ZNF142: variants seen among roughly 807,000 people sequenced by gnomAD.
ZNF142 encodes the protein zinc finger protein 142 (clone pHZ-49).
Under a neutral mutation model 132.1 loss-of-function variants are expected in ZNF142, and 96 were observed. That is an observed-to-expected ratio of 0.73 (90% CI 0.62 to 0.86). The LOEUF is 0.86. Ranked by LOEUF, ZNF142 falls within the 40% of genes least tolerant of loss-of-function variation. The pLI, the probability that ZNF142 is intolerant of heterozygous loss-of-function variation, is 0.00. For missense variants in ZNF142, 2,163 were observed against 2,336.2 expected, an observed-to-expected ratio of 0.93 and a Z score of 1.53; for synonymous variants, 842 against 890.1, an observed-to-expected ratio of 0.95 and a Z score of 0.96.
chr2:218,634,398 AAG>A lies in ZNF142; in HGVS notation c.*3939_*3940del. On this transcript the variant is annotated 3_prime_UTR_variant, in exon 11 of 11. Transcript: ENST00000411696. The surrounding 1 kb of genome is among the most constrained non-coding windows in gnomAD (Gnocchi z 4.0). The stretch of plus-strand genomic sequence containing the variant: ...AGTACCTATCTTCTTAACTCCCTGA[AAG>A]AGGGGCTGGAAGGCCTCCATGGTGA... 1.3e-6 allele frequency: 2 copies of A among 1,582,924 alleles called. No homozygotes were observed. The highest frequency in any genetic ancestry group is 1.3e-5 in the African/African-American group (1 of 74,156).
chr2:218,633,939 G>A lies in ZNF142; in HGVS notation c.*4400C>T. 1.7e-6 allele frequency: 2 copies of A among 1,205,562 alleles called. No individual in the cohort carries two copies. Among genetic ancestry groups the A allele is most frequent in the South Asian group, 1.5e-5 (1 of 68,930 alleles). 74.7% of individuals were successfully genotyped at this position (1,205,562 alleles called of 1,614,324 possible). On this transcript the variant is annotated 3_prime_UTR_variant, in exon 11 of 11. Coordinates refer to ENST00000411696, the MANE Select transcript of ZNF142 (RefSeq NM_001379659.1). ...TATGAATAGTGGCTCAAGGGTCTAG[G>A]GGCAGGAAAGCTGGTCTGGATGGAC...
In ZNF142 at chr2:218,637,044, G is replaced by A; in HGVS notation, c.*1295C>T. The A allele has an allele frequency of 5.0e-6, 2 of 399,368 alleles. No individual in the cohort carries two copies. Among genetic ancestry groups the A allele is most frequent in the South Asian group, 3.8e-5 (2 of 52,612 alleles). The allele number at this position is 399,368 out of a possible 1,614,324, so 24.7% of individuals were successfully genotyped here. A position where few individuals can be genotyped will look rare whatever the true frequency, so the allele number is the denominator to read the frequency against. ...TAAATCAAGGCTCAAGGCTTCCCCA[G>A]CAAAGATTAGGGAAAGAGACTTGAC... On this transcript the variant is annotated 3_prime_UTR_variant, in exon 11 of 11. Transcript: ENST00000411696.
chr2:218,653,967 C>T (rs1938250361), intron 4 of ZNF142, among the ~76,000 whole-genome samples: 1 of 152,190 alleles, frequency 6.6e-6, no homozygotes, highest in African/African-American at 2.4e-5. Context: ...ATTCTCCCAC[C>T]TCAGCCTCCT....
chr2:218,646,290 T>C lies in ZNF142; in HGVS notation c.1932A>G (p.Leu644=), dbSNP rs1697725473. Reference sequence around the variant, plus strand: ...TGGAGTGGGTCAGCATGTGCTTGGATAGGTAGCTCACGTCTCGGCATGTGA... The same window carrying C: ...TGGAGTGGGTCAGCATGTGCTTGGACAGGTAGCTCACGTCTCGGCATGTGA... ...CDFTCRDVSY[L]SKHMLTHSNT... is the part of the protein sequence containing the mutation. Residue 644 remains leucine, a synonymous_variant, in exon 8 of 11, where the codon CTA becomes CTG. Transcript: ENST00000411696. The C allele has an allele frequency of 2.5e-6, 4 of 1,614,206 alleles. No homozygotes were observed. The highest frequency in any genetic ancestry group is 3.4e-6 in the Non-Finnish European group (4 of 1,180,044).
In ZNF142 at chr2:218,637,114, C is replaced by CAA. The variant is rs1696810579; in HGVS notation, c.*1223_*1224dup. The CAA allele has an allele frequency of 3.0e-6, 1 of 334,284 alleles. No homozygotes were observed. The highest frequency in any genetic ancestry group is 4.0e-5 in the Admixed American group (1 of 25,092). 20.7% of individuals were successfully genotyped at this position (334,284 alleles called of 1,614,324 possible). A position where few individuals can be genotyped will look rare whatever the true frequency, so the allele number is the denominator to read the frequency against. On this transcript the variant is annotated 3_prime_UTR_variant, in exon 11 of 11. Transcript: ENST00000411696. ...TCTTAAGAGAACACTGCACAGCACT[C>CAA]AAAGTCCCCCACTGGACTGCTTCCT...
At chr2:218,654,510 G>C (rs1371899441) in intron 4 of ZNF142, among the ~76,000 whole-genome samples, 1 of 151,916 alleles carries the variant, frequency 6.6e-6, no homozygotes, top group Non-Finnish European at 1.5e-5. Flanking sequence ...GGGATTACAG[G>C]TGCCCACCAC....
In ZNF142 at chr2:218,648,220, T is replaced by C. The variant is rs546247314; in HGVS notation, c.1873+415A>G. 3.5e-4 allele frequency among the ~76,000 whole-genome samples: 54 copies of C among 152,358 alleles called. 1 individual carries two copies. The highest frequency in any genetic ancestry group is 1.9e-3 in the South Asian group (9 of 4,830). Reference sequence around the variant, plus strand: ...TTCAGTGTCATGGATGCCCAAGTTATAGAAGGCCATATGCGTGTGGATGGC... The same window carrying C: ...TTCAGTGTCATGGATGCCCAAGTTACAGAAGGCCATATGCGTGTGGATGGC... On this transcript the variant is annotated intron_variant, in intron 7 of 10. Transcript: ENST00000411696.
rs1215296586 is a variant in ZNF142 at position 218,656,349 on chromosome 2, G to A, written c.81C>T (p.Ile27=). ...TTCCACGGTTAGAGAGAGGCGGGGG[G>A]ATCAGCAATAGCTCAGGGCACAGTC... is the stretch of plus-strand genomic sequence containing the variant. ...MDGLCPELLL[I]PPPLSNRGIL... Residue 27 remains isoleucine (I), a synonymous_variant, in exon 4 of 11, where the codon ATC becomes ATT. Transcript: ENST00000411696. 2.5e-6 allele frequency: 4 copies of A among 1,582,398 alleles called. No individual in the cohort carries two copies. Among genetic ancestry groups the A allele is most frequent in the African/African-American group, 2.7e-5 (2 of 74,306 alleles).
Position 218,644,592 on chromosome 2 carries a change from G to A in ZNF142, c.2524C>T (p.His842Tyr). 6.2e-7 allele frequency: 1 copy of A among 1,614,184 alleles called. No individual in the cohort carries two copies. The highest frequency in any genetic ancestry group is 8.5e-7 in the Non-Finnish European group (1 of 1,180,048). Reference protein sequence around the residue: ...QLSARPEGPGHEPGTVVDPSL... With the variant: ...QLSARPEGPGYEPGTVVDPSL... ...GGGTCCACCACAGTCCCAGGTTCGT[G>A]ACCTGGCCCCTCAGGTCGGGCTGAC... The change falls in exon 9 of 11, where the codon CAC becomes TAC. Residue 842 changes from histidine to tyrosine, a missense_variant. Around this residue, in one of 7 missense-constraint regions of ZNF142, gnomAD observed 749 missense variants for 830.3 expected, o/e 0.90. Coordinates refer to ENST00000411696, the MANE Select transcript of ZNF142 (RefSeq NM_001379659.1). This position sits in a 1 kb window ranked among gnomAD's most constrained non-coding sequence, Gnocchi z 4.6.
rs1368184791 is a variant in ZNF142 at position 218,635,793 on chromosome 2, C to T, written c.*2546G>A. On this transcript the variant is annotated 3_prime_UTR_variant, in exon 11 of 11. Transcript: ENST00000411696. ...TTGTGAGATTCCAGAGCCCTGACTACAGGTGATCAGCGGTCAGCAACTCCC... is the reference window on the plus strand; with the variant it reads ...TTGTGAGATTCCAGAGCCCTGACTATAGGTGATCAGCGGTCAGCAACTCCC... 6.8e-6 allele frequency: 11 copies of T among 1,611,206 alleles called. No homozygotes were observed. Among genetic ancestry groups the T allele is most frequent in the Non-Finnish European group, 9.3e-6 (11 of 1,178,818 alleles).
chr2:218,636,650 G>T lies in ZNF142; in HGVS notation c.*1689C>A. On this transcript the variant is annotated 3_prime_UTR_variant, in exon 11 of 11. Coordinates refer to ENST00000411696, the MANE Select transcript of ZNF142 (RefSeq NM_001379659.1). ...GAAACATCTGGAAGGATGCTCGAGA[G>T]AACAAATGGAGGTGGTGAAAATCAA... 6.9e-7 allele frequency: 1 copy of T among 1,450,932 alleles called. No homozygotes were observed. The highest frequency in any genetic ancestry group is 2.4e-5 in the East Asian group (1 of 41,776). 89.9% of individuals were successfully genotyped at this position (1,450,932 alleles called of 1,614,324 possible).
chr2:218,652,192 G>A lies in ZNF142; in HGVS notation c.389C>T (p.Pro130Leu). ...LHQCSETHIQ[P>L]VQGLSSPPCS... ...TGGGGGGCTAGAGAGGCCCTGCACA[G>A]GCTGTATATGGGTCTCACTGCACTG... is the stretch of plus-strand genomic sequence containing the variant. Residue 130 changes from proline (P) to leucine (L), a missense_variant, in exon 5 of 11, where the codon CCT (proline) becomes CTT (leucine). Pro to Leu is a moderately conservative substitution (Grantham distance 98). Around this residue, in one of 7 missense-constraint regions of ZNF142, gnomAD observed 195 missense variants for 172.4 expected, o/e 1.13. Coordinates refer to ENST00000411696, the MANE Select transcript of ZNF142 (RefSeq NM_001379659.1). The A allele has an allele frequency of 6.6e-6, 3 of 456,570 alleles. No individual in the cohort carries two copies. The highest frequency in any genetic ancestry group is 1.3e-5 in the Non-Finnish European group (3 of 226,874). The allele number at this position is 456,570 out of a possible 1,614,324, so 28.3% of individuals were successfully genotyped here.
At position 218,643,731 on chromosome 2, in the gene ZNF142, C is replaced by G. The variant is rs753356511; in HGVS notation, c.3385G>C (p.Ala1129Pro). 1 of 1,606,576 alleles carries G rather than the reference C, an allele frequency of 6.2e-7. No homozygotes were observed. The highest frequency in any genetic ancestry group is 8.5e-7 in the Non-Finnish European group (1 of 1,177,034). Residue 1129 changes from alanine to proline, a missense_variant, in exon 9 of 11, where the codon GCA (alanine) becomes CCA (proline). Ala to Pro is a conservative substitution (Grantham distance 27). Transcript: ENST00000411696. ...EDTESGKPPP[A>P]SQEAELLLPK... ...AGCAGTAGCTCTGCTTCTTGTGATG[C>G]AGGTGGGGGCTTCCCACTTTCTGTG...
In ZNF142 at chr2:218,656,244, C is replaced by T; in HGVS notation, c.186G>A (p.Glu62=). Residue 62 remains glutamate (E), a synonymous_variant, in exon 4 of 11, where the codon GAG becomes GAA. Transcript: ENST00000411696. The part of the protein sequence containing the change: ...IPTEPGCLLV[E]ATATEEGPGN... ...CTGGTCCCTCTTCAGTTGCTGTGGCCTCTACCAGCAGGCAGCCTGGCTCAG... is the reference window on the plus strand; with the variant it reads ...CTGGTCCCTCTTCAGTTGCTGTGGCTTCTACCAGCAGGCAGCCTGGCTCAG... The T allele has an allele frequency of 6.2e-7, 1 of 1,613,598 alleles. No homozygotes were observed. The highest frequency in any genetic ancestry group is 8.5e-7 in the Non-Finnish European group (1 of 1,179,728).
At chr2:218,653,436 G>A (rs1173688082) in intron 4 of ZNF142, among the ~76,000 whole-genome samples, 1 of 152,042 alleles carries the variant, frequency 6.6e-6, no homozygotes, top group Non-Finnish European at 1.5e-5. Context: ...AATTAGCTGG[G>A]CATGGTGGCG....
At chr2:218,657,777 C>T (rs1333650642) in intron 3 of ZNF142, among the ~76,000 whole-genome samples, 1 of 152,188 alleles carries the variant, frequency 6.6e-6, no homozygotes, top group African/African-American at 2.4e-5. Flanking sequence ...CCTAAGGGCA[C>T]TCTGTACACA....
intron 3 of ZNF142, among the ~76,000 whole-genome samples, chr2:218,657,962 G>A (rs552685193): frequency 6.6e-6 from 1 of 152,322 alleles, no homozygotes; most frequent in Admixed American, 6.5e-5. Context: ...TTCCAGTGAA[G>A]AACCACAGAT....
intron 8 of ZNF142, 38 bp from the exon 9 acceptor site, chr2:218,645,102 TA>T (rs1349580270): frequency 3.8e-6 from 6 of 1,591,708 alleles, no homozygotes; most frequent in Non-Finnish European, 5.1e-6. Flanking sequence ...TCACAATAAT[TA>T]ATCACAACAA....
In ZNF142 at chr2:218,635,987, C is replaced by A; in HGVS notation, c.*2352G>T. The A allele has an allele frequency of 6.2e-7, 1 of 1,610,866 alleles. No homozygotes were observed. The highest frequency in any genetic ancestry group is 8.5e-7 in the Non-Finnish European group (1 of 1,177,852). On this transcript the variant is annotated 3_prime_UTR_variant, in exon 11 of 11. Transcript: ENST00000411696. ...GGTAGGAGCATGATTAGTTTTCCTT[C>A]TAGTCTGTCTTCCATTAAGTATAGC...
Sources: allele counts gnomAD v4.1 joint callset (sites outside exome capture counted in the v4.1 genomes callset), GRCh38; gene constraint gnomAD v4.1.1; regional missense constraint gnomAD v4.1.1; non-coding constraint Gnocchi (gnomAD v3.1); transcripts MANE v1.5; gene names NCBI Gene and HGNC (gene_info 2026-07-23, HGNC 2026-07-21).